STPG2: variants seen among roughly 807,000 people sequenced by gnomAD.
STPG2 encodes sperm-tail PG-rich repeat-containing protein 2.
STPG2 carries 56 observed loss-of-function variants against 54.2 expected under a neutral mutation model. The observed-to-expected ratio is 1.03, with a 90% CI of 0.83 to 1.29. STPG2 has a LOEUF of 1.29. Among genes scored for constraint, STPG2 ranks in the 50% most tolerant of loss-of-function variants. The pLI is 0.00. For missense variants in STPG2, 596 were observed against 544.9 expected (o/e 1.09, Z -0.93); for synonymous variants, 200 against 181.8 (o/e 1.10, Z -0.81).
chr4:97,541,726 C>T (rs13151946), intron 4 of STPG2, among the ~76,000 whole-genome samples: 9,508 of 152,248 alleles, frequency 0.062, 433 homozygotes, highest in Middle Eastern at 0.17. Flanking sequence ...AACTATACTA[C>T]AAGGCTACAG....
intron 5 of STPG2, among the ~76,000 whole-genome samples, chr4:98,028,461 C>G (rs1736496921): frequency 6.6e-6 from 1 of 152,202 alleles, no homozygotes; most frequent in Non-Finnish European, 1.5e-5. Context: ...TTCTACCACT[C>G]TATAACAAGA....
intron 9 of STPG2, among the ~76,000 whole-genome samples, chr4:97,838,604 C>G (rs997954729): frequency 6.6e-6 from 1 of 151,068 alleles, no homozygotes; most frequent in African/African-American, 2.4e-5. Flanking sequence ...AAATCTTGTC[C>G]TTGATTAGAT....
intron 7 of STPG2, among the ~76,000 whole-genome samples, chr4:97,963,990 C>A (rs556489908): frequency 1.3e-5 from 2 of 152,082 alleles, no homozygotes; most frequent in East Asian, 3.9e-4. Context: ...ACCACTGGGA[C>A]CTGTGGGAGC....
intron 8 of STPG2, among the ~76,000 whole-genome samples, chr4:97,933,972 G>T (rs1297890417): frequency 6.6e-6 from 1 of 152,134 alleles, no homozygotes; most frequent in East Asian, 1.9e-4. Context: ...CTGTTTTCAT[G>T]ACATTGATTC....
chr4:97,633,186 TAGA>T (rs1444055764), intron 10 of STPG2, among the ~76,000 whole-genome samples: 1 of 152,176 alleles, frequency 6.6e-6, no homozygotes, highest in Non-Finnish European at 1.5e-5. Flanking sequence ...CTAAAACTTA[TAGA>T]AGGACTTGCC....
chr4:97,766,984 C>A (rs1726074605), intron 9 of STPG2, among the ~76,000 whole-genome samples: 1 of 151,456 alleles, frequency 6.6e-6, no homozygotes, highest in Non-Finnish European at 1.5e-5. Context: ...CTAAAAGAAT[C>A]AGTATTTTTA....
At chr4:97,650,488 T>A (rs1722034157) in intron 10 of STPG2, among the ~76,000 whole-genome samples, 2 of 152,134 alleles carry the variant, frequency 1.3e-5, no homozygotes, top group African/African-American at 4.8e-5. Flanking sequence ...GCAAGACAAC[T>A]TGAAGCAGGA....
downstream of STPG2, among the ~76,000 whole-genome samples, chr4:97,557,177 C>CA (rs201582905): frequency 0.031 from 4,485 of 144,660 alleles, 198 homozygotes; most frequent in African/African-American, 0.1. Context: ...GAGACTCCAT[C>CA]AAAAAAAAAA....
chr4:98,129,815 A>G (rs1212350850), intron 2 of STPG2, among the ~76,000 whole-genome samples: 3 of 152,204 alleles, frequency 2.0e-5, no homozygotes, highest in African/African-American at 4.8e-5. Context: ...TCACATGCCC[A>G]TGTAGAATTA....
chr4:97,892,674 T>A (rs1204873695), intron 8 of STPG2, among the ~76,000 whole-genome samples: 1 of 152,196 alleles, frequency 6.6e-6, no homozygotes, highest in African/African-American at 2.4e-5. Flanking sequence ...ATGCTAATGA[T>A]ACCTGTGATG....
chr4:97,752,103 A>G (rs149234341), intron 9 of STPG2, among the ~76,000 whole-genome samples: 1 of 151,956 alleles, frequency 6.6e-6, no homozygotes, highest in African/African-American at 2.4e-5. Flanking sequence ...AACCCTTATG[A>G]TTTTGCTGCA....
Position 97,748,137 on chromosome 4 carries a change from T to C in STPG2, c.1205-35323A>G, listed in dbSNP as rs115040941. ...CAGGACATAATTCAATCCTCTGAGG[T>C]TGACAGATCAGAAAGAGGGAAAGCA... On this transcript the variant is annotated intron_variant, in intron 9 of 10. Transcript: ENST00000295268. Among the ~76,000 whole-genome samples the C allele has an allele frequency of 4.6e-3, 703 of 151,538 alleles. 2 individuals carry two copies. The highest frequency in any genetic ancestry group is 0.016 in the African/African-American group (665 of 41,458).
At position 97,565,056 on chromosome 4, in the gene STPG2, C is replaced by A. The variant is rs1320478106; in HGVS notation, c.1321-5939G>T. On this transcript the variant is annotated intron_variant, in intron 10 of 10. Transcript: ENST00000295268. ...TCCAACTTAGTTCCATTCTTCCCTTCACTTTCAGGTACACCAATCAGACGT... is the reference window on the plus strand; with the variant it reads ...TCCAACTTAGTTCCATTCTTCCCTTAACTTTCAGGTACACCAATCAGACGT... Among the ~76,000 whole-genome samples, 5 of 152,186 alleles carry A rather than the reference C, an allele frequency of 3.3e-5. No individual in the cohort carries two copies. In the South Asian group the frequency reaches 1.0e-3, roughly 31 times the overall value.
intron 10 of STPG2, among the ~76,000 whole-genome samples, chr4:97,659,426 C>A (rs1722310106): frequency 2.0e-5 from 1 of 49,226 alleles, no homozygotes; most frequent in Non-Finnish European, 3.9e-5. Flanking sequence ...ACTTTAGATC[C>A]CTACAGAACT....
At chr4:97,526,532 T>C (rs1018669791) in intron 4 of STPG2, among the ~76,000 whole-genome samples, 2 of 152,132 alleles carry the variant, frequency 1.3e-5, no homozygotes, top group Non-Finnish European at 2.9e-5. Context: ...CGCTGTTTTT[T>C]TCTTGTAAAT....
intron 5 of STPG2, among the ~76,000 whole-genome samples, chr4:97,998,226 T>C (rs1346247833): frequency 2.0e-5 from 3 of 152,130 alleles, no homozygotes; most frequent in Admixed American, 6.6e-5. Context: ...ACAGTGAAAA[T>C]TATGTAGCAC....
intron 5 of STPG2, among the ~76,000 whole-genome samples, chr4:98,016,112 G>C (rs10025651): frequency 0.39 from 59,919 of 151,898 alleles, 12,051 homozygotes; most frequent in Middle Eastern, 0.46. Context: ...ATGTAGATGA[G>C]GGGTTGATGG....
chr4:97,719,322 G>A (rs1007301446), intron 9 of STPG2, among the ~76,000 whole-genome samples: 13 of 151,782 alleles, frequency 8.6e-5, no homozygotes, highest in African/African-American at 2.9e-4. Flanking sequence ...TGACACATCA[G>A]ACTAAAAAAC....
At chr4:98,056,666 T>C (rs1025004710) in intron 5 of STPG2, among the ~76,000 whole-genome samples, 4 of 151,398 alleles carry the variant, frequency 2.6e-5, no homozygotes, top group Non-Finnish European at 5.9e-5. Flanking sequence ...GCAACTGATA[T>C]AGTTTGGCTC....
Sources: gnomAD v4.1 joint callset for allele counts (sites outside exome capture counted in the v4.1 genomes callset) on GRCh38, gnomAD v4.1.1 for gene constraint, MANE v1.5 for transcripts, NCBI Gene and HGNC (gene_info 2026-07-23, HGNC 2026-07-21) for gene names.